The following PTBP3 variants were observed in gnomAD, a reference collection of about 807,000 sequenced individuals.
The protein encoded by PTBP3 is polypyrimidine tract binding protein 3, also known as polypyrimidine tract-binding protein 3.
Under a neutral mutation model 58.7 loss-of-function variants are expected in PTBP3, and 20 were observed. That is an observed-to-expected ratio of 0.34 (90% CI 0.24 to 0.50). PTBP3 has a LOEUF of 0.50. PTBP3 is among the 20% of genes least tolerant of loss of function. PTBP3 has a pLI of 0.98. For missense variants in PTBP3, 509 were observed against 637.2 expected (o/e 0.80, Z 2.17); for synonymous variants, 185 against 219.8 (o/e 0.84, Z 1.40).
chr9:112,290,862 A>G (rs1409494210), intron 2 of PTBP3, among the ~76,000 whole-genome samples: 1 of 151,918 alleles, frequency 6.6e-6, no homozygotes, highest in Admixed American at 6.6e-5. Flanking sequence ...GGACCCAATA[A>G]TTCCACTTCT....
the PTBP3 span, chr9:112,362,749 C>A: frequency 4.2e-6 from 1 of 237,858 alleles, no homozygotes; most frequent in South Asian, 6.0e-5. Context: ...AGCCCAAGAT[C>A]ATCAAAAAGA....
At chr9:112,365,480 C>T in the PTBP3 span, among the ~76,000 whole-genome samples, 15 of 152,186 alleles carry the variant, frequency 9.9e-5, no homozygotes, top group Admixed American at 2.0e-4. Flanking sequence ...TGACTTGCTC[C>T]GTCTTGCCTT....
At chr9:112,308,625 G>A (rs973485086) in intron 1 of PTBP3, among the ~76,000 whole-genome samples, 8 of 152,070 alleles carry the variant, frequency 5.3e-5, no homozygotes, top group African/African-American at 1.9e-4. Context: ...ACTTGGACAA[G>A]TGAATGCAGA....
intron 7 of PTBP3, among the ~76,000 whole-genome samples, chr9:112,242,088 G>A (rs1409959573): frequency 6.6e-6 from 1 of 152,080 alleles, no homozygotes; most frequent in Non-Finnish European, 1.5e-5. Context: ...GAACATTTGT[G>A]TTTAATTAAC....
intron 1 of PTBP3, among the ~76,000 whole-genome samples, chr9:112,331,434 A>G (rs1460097022): frequency 1.3e-5 from 2 of 152,358 alleles, no homozygotes; most frequent in Non-Finnish European, 2.9e-5. Flanking sequence ...TACATTCTAC[A>G]TATTGTTAAT....
chr9:112,356,839 A>G, the PTBP3 span, among the ~76,000 whole-genome samples: 9 of 134,176 alleles, frequency 6.7e-5, no homozygotes, highest in South Asian at 1.9e-3. Flanking sequence ...GGCCCCAACC[A>G]TTTCATTTCA....
At chr9:112,288,262 CTG>C (rs1386238632) in intron 2 of PTBP3, among the ~76,000 whole-genome samples, 3 of 152,156 alleles carry the variant, frequency 2.0e-5, no homozygotes, top group Non-Finnish European at 4.4e-5. Context: ...TCTCCCAGGC[CTG>C]TGTGAGTCCT....
rs558786088 is a variant in PTBP3, at chr9:112,236,157, A to G, written c.803-1260T>C. ...TTTCTTCATTAAAAAGAATTATTTA[A>G]TATAATTTATTAAATATGTAACTAA... On this transcript the variant is annotated intron_variant, in intron 7 of 13. Coordinates refer to ENST00000374257, the MANE Select transcript of PTBP3 (RefSeq NM_001163788.4). Among the ~76,000 whole-genome samples the G allele has an allele frequency of 1.8e-4, 27 of 152,054 alleles. No homozygotes were observed. In the East Asian group the frequency reaches 5.0e-3, roughly 28 times the overall value.
intron 5 of PTBP3, among the ~76,000 whole-genome samples, chr9:112,256,268 AC>A (rs56275250): frequency 1.1e-4 from 11 of 100,830 alleles, no homozygotes; most frequent in South Asian, 6.9e-4. Context: ...AAAAAAAAAA[AC>A]AAAATATATA....
At chr9:112,367,241 GATTT>G in the PTBP3 span, among the ~76,000 whole-genome samples, 1 of 152,166 alleles carries the variant, frequency 6.6e-6, no homozygotes. Context: ...AGTTAAAAGT[GATTT>G]ATGTACCCCC....
chr9:112,319,241 G>A (rs563936140), intron 1 of PTBP3, among the ~76,000 whole-genome samples: 14 of 151,228 alleles, frequency 9.3e-5, no homozygotes, highest in African/African-American at 2.9e-4. Flanking sequence ...CACTGAAGAC[G>A]GAAATTGAAG....
At chr9:112,280,124 A>G (rs1827791093) in intron 2 of PTBP3, among the ~76,000 whole-genome samples, 1 of 151,988 alleles carries the variant, frequency 6.6e-6, no homozygotes, top group Non-Finnish European at 1.5e-5. Flanking sequence ...CAGTGATGCA[A>G]TCGGCTCACT....
At position 112,267,451 on chromosome 9, in the gene PTBP3, C is replaced by T. The variant is rs7869787; in HGVS notation, c.351+598G>A. Among the ~76,000 whole-genome samples, 991 of 152,216 alleles carry T rather than the reference C, an allele frequency of 6.5e-3. 14 individuals are homozygous for T. The highest frequency in any genetic ancestry group is 0.022 in the African/African-American group (894 of 41,552). On this transcript the variant is annotated intron_variant, in intron 4 of 13. Transcript: ENST00000374257. ...CAAACCGCGCCCGGCCAAAAACCAC[C>T]TTCTTAAAATGTATTTACTTTGTGT...
In PTBP3 at chr9:112,285,233, T is replaced by C. The variant is rs111754984; in HGVS notation, c.35-9220A>G. On this transcript the variant is annotated intron_variant, in intron 2 of 13. Transcript: ENST00000374257. ...CACAACATGATGGTTATGTAAGCGATTGGCAGTTCCTCCTTCACACTCACT... is the reference window on the plus strand; with the variant it reads ...CACAACATGATGGTTATGTAAGCGACTGGCAGTTCCTCCTTCACACTCACT... Among the ~76,000 whole-genome samples, 1,467 of 152,258 alleles carry C rather than the reference T, an allele frequency of 9.6e-3. 30 individuals carry two copies. Among genetic ancestry groups the C allele is most frequent in the African/African-American group, 0.033 (1,383 of 41,538 alleles).
At position 112,221,986 on chromosome 9, in the gene PTBP3, G is replaced by A. The variant is rs11542205; in HGVS notation, c.*1865C>T. 0.48 allele frequency: 431,566 copies of A among 908,274 alleles called. 103,669 individuals carry two copies. The highest frequency in any genetic ancestry group is 0.59 in the African/African-American group (32,955 of 55,536). 56.3% of individuals were successfully genotyped at this position (908,274 alleles called of 1,614,324 possible). A position where few individuals can be genotyped will look rare whatever the true frequency, so the allele number is the denominator to read the frequency against. On this transcript the variant is annotated 3_prime_UTR_variant, in exon 14 of 14. Coordinates refer to ENST00000374257, the MANE Select transcript of PTBP3 (RefSeq NM_001163788.4). ...GGCTATTCACAAATGTGATCATAGC[G>A]CACTGCAGCCTTGAACTCCTGGGCT...
chr9:112,220,869 A>G lies in PTBP3; in HGVS notation c.*2982T>C, dbSNP rs993132027. On this transcript the variant is annotated 3_prime_UTR_variant, in exon 14 of 14. Transcript: ENST00000374257. ...TGAAAAGTGATGACAATACTCCTTA[A>G]AAATAAAATAAACTTAAAAATAGGA... 3.1e-6 allele frequency: 3 copies of G among 967,690 alleles called. No individual in the cohort carries two copies. Among genetic ancestry groups the G allele is most frequent in the African/African-American group, 3.5e-5 (2 of 56,818 alleles). 59.9% of individuals were successfully genotyped at this position (967,690 alleles called of 1,614,324 possible).
rs1358780635 is a variant in PTBP3 at position 112,223,572 on chromosome 9, G to A, written c.*279C>T. 4 of 1,046,726 alleles carry A rather than the reference G, an allele frequency of 3.8e-6. No homozygotes were observed. Among genetic ancestry groups the A allele is most frequent in the South Asian group, 2.9e-5 (1 of 34,360 alleles). 64.8% of individuals were successfully genotyped at this position (1,046,726 alleles called of 1,614,324 possible). A position where few individuals can be genotyped will look rare whatever the true frequency, so the allele number is the denominator to read the frequency against. On this transcript the variant is annotated 3_prime_UTR_variant, in exon 14 of 14. Transcript: ENST00000374257. ...TCCTCTTCAAATCTAATTTAATATA[G>A]GGAATAAGATTATTGAAAAAAAATT... is the stretch of plus-strand genomic sequence containing the variant.
At chr9:112,287,991 A>G (rs1828218627) in intron 2 of PTBP3, among the ~76,000 whole-genome samples, 1 of 152,234 alleles carries the variant, frequency 6.6e-6, no homozygotes, top group Non-Finnish European at 1.5e-5. Context: ...TAGGAGCACC[A>G]GAATTTGTTA....
intron 4 of PTBP3, among the ~76,000 whole-genome samples, chr9:112,265,748 A>T (rs1349278319): frequency 6.6e-6 from 1 of 152,162 alleles, no homozygotes; most frequent in Non-Finnish European, 1.5e-5. Flanking sequence ...GCAGGCATAG[A>T]GTGTGTGTAG....
Sources: gnomAD v4.1 joint callset for allele counts (sites outside exome capture counted in the v4.1 genomes callset) on GRCh38, gnomAD v4.1.1 for gene constraint, MANE v1.5 for transcripts, NCBI Gene and HGNC (gene_info 2026-07-23, HGNC 2026-07-21) for gene names.